Variants in PDE4D observed in about 807,000 individuals in gnomAD.
The protein encoded by PDE4D is 3',5'-cyclic-AMP phosphodiesterase 4D.
Under a neutral mutation model 87.4 loss-of-function variants are expected in PDE4D, and 24 were observed. The observed-to-expected ratio is 0.27, with a 90% CI of 0.20 to 0.39. The LOEUF (loss-of-function observed/expected upper bound fraction) is 0.39. Ranked by LOEUF, PDE4D falls within the 10% of genes least tolerant of loss-of-function variation. The pLI is 1.00. For synonymous variants in PDE4D, 384 were observed against 383.2 expected (o/e 1.00, Z -0.02); for missense variants, 714 against 1,041.0 (o/e 0.69, Z 4.32).
intron 1 of PDE4D, among the ~76,000 whole-genome samples, chr5:59,549,248 G>C (rs1253861101): frequency 6.6e-6 from 1 of 152,152 alleles, no homozygotes; most frequent in East Asian, 1.9e-4. Context: ...CCTCCAAACA[G>C]CCAGCCACTG....
chr5:59,137,234 G>T (rs1309383562), intron 5 of PDE4D, among the ~76,000 whole-genome samples: 4 of 152,172 alleles, frequency 2.6e-5, no homozygotes, highest in Admixed American at 2.0e-4. Flanking sequence ...TTGCGTTAGT[G>T]ATGTGACCTC....
intron 2 of PDE4D, among the ~76,000 whole-genome samples, chr5:60,154,023 A>G (rs1445909860): frequency 6.6e-6 from 1 of 152,012 alleles, no homozygotes; most frequent in Non-Finnish European, 1.5e-5. Context: ...TGTTCTTACC[A>G]TAATAAAAAA....
intron 1 of PDE4D, among the ~76,000 whole-genome samples, chr5:60,448,297 T>C (rs1250766828): frequency 6.6e-6 from 1 of 152,138 alleles, no homozygotes. Flanking sequence ...AAATCATTCA[T>C]TTACCAGAAT....
At chr5:59,133,095 A>AAT (rs1175488119) in intron 5 of PDE4D, among the ~76,000 whole-genome samples, 5 of 152,214 alleles carry the variant, frequency 3.3e-5, no homozygotes, top group East Asian at 3.9e-4. Context: ...GTAAATATAC[A>AAT]ATATATATAT....
At chr5:59,087,703 T>C (rs1767961492) in intron 5 of PDE4D, among the ~76,000 whole-genome samples, 1 of 152,300 alleles carries the variant, frequency 6.6e-6, no homozygotes, top group Admixed American at 6.5e-5. Context: ...TCTCTGTAGT[T>C]ACCTCTCTCA....
chr5:59,385,089 T>C (rs1786710862), intron 1 of PDE4D, among the ~76,000 whole-genome samples: 1 of 152,126 alleles, frequency 6.6e-6, no homozygotes, highest in Non-Finnish European at 1.5e-5. Context: ...ATCTATCAAT[T>C]TCATTTTCTC....
chr5:59,574,444 T>C (rs1822786106), intron 1 of PDE4D, among the ~76,000 whole-genome samples: 1 of 151,836 alleles, frequency 6.6e-6, no homozygotes, highest in South Asian at 2.1e-4. Context: ...TTACAGTAAA[T>C]CTGGGTGATT....
At chr5:60,084,527 C>T (rs983758861) in intron 2 of PDE4D, among the ~76,000 whole-genome samples, 1 of 152,100 alleles carries the variant, frequency 6.6e-6, no homozygotes, top group Non-Finnish European at 1.5e-5. Context: ...TACCACTTCC[C>T]CTCCAAAATT....
intron 3 of PDE4D, among the ~76,000 whole-genome samples, chr5:59,982,257 A>G (rs1462866502): frequency 6.6e-6 from 1 of 152,142 alleles, no homozygotes; most frequent in Non-Finnish European, 1.5e-5. Flanking sequence ...AACATTCTCC[A>G]CCCACCCATA....
chr5:59,752,035 TCTCC>T (rs1378946615), intron 1 of PDE4D, among the ~76,000 whole-genome samples: 6 of 152,166 alleles, frequency 3.9e-5, no homozygotes, highest in Admixed American at 3.9e-4. Context: ...AGATACAATG[TCTCC>T]CTCCCATAAA....
chr5:59,266,184 G>A (rs1581679055), intron 1 of PDE4D, among the ~76,000 whole-genome samples: 1 of 151,994 alleles, frequency 6.6e-6, no homozygotes, highest in East Asian at 1.9e-4. Flanking sequence ...ATTGAGACTA[G>A]GAGTTCAAGG....
At chr5:59,284,301 C>G (rs923971571) in intron 1 of PDE4D, among the ~76,000 whole-genome samples, 1 of 152,120 alleles carries the variant, frequency 6.6e-6, no homozygotes, top group Non-Finnish European at 1.5e-5. Flanking sequence ...TAACTAGGAA[C>G]TCCTACTGGA....
intron 1 of PDE4D, among the ~76,000 whole-genome samples, chr5:59,863,782 T>A (rs1746625515): frequency 6.6e-6 from 1 of 152,226 alleles, no homozygotes; most frequent in Non-Finnish European, 1.5e-5. Flanking sequence ...GGATTTTTTT[T>A]AACATAACTT....
intron 1 of PDE4D, among the ~76,000 whole-genome samples, chr5:59,733,693 A>T (rs1285608269): frequency 6.6e-6 from 1 of 152,050 alleles, no homozygotes; most frequent in Admixed American, 6.6e-5. Context: ...CTAATCATCA[A>T]TGTTGTTTTT....
chr5:59,017,868 A>G (rs1348275886), intron 6 of PDE4D, among the ~76,000 whole-genome samples: 2 of 152,222 alleles, frequency 1.3e-5, no homozygotes, highest in Non-Finnish European at 2.9e-5. Flanking sequence ...TGGTACAATA[A>G]TAAGACTTCT....
chr5:60,508,867 T>C (rs977618276), intron 1 of PDE4D, among the ~76,000 whole-genome samples: 2 of 151,668 alleles, frequency 1.3e-5, no homozygotes, highest in African/African-American at 2.4e-5. Context: ...AGATTTCTCT[T>C]TTTTTTTCTT....
At chr5:59,653,878 A>AGG (rs1485357534) in intron 1 of PDE4D, among the ~76,000 whole-genome samples, 1 of 140,322 alleles carries the variant, frequency 7.1e-6, no homozygotes, top group Non-Finnish European at 1.5e-5. Context: ...GAAGAGAGAG[A>AGG]AGGGGAGAGG....
At chr5:60,027,324 T>C (rs764201392) in intron 2 of PDE4D, among the ~76,000 whole-genome samples, 5 of 152,122 alleles carry the variant, frequency 3.3e-5, no homozygotes, top group Non-Finnish European at 5.9e-5. Context: ...GAACATGAGG[T>C]ATTTGGTTTT....
chr5:59,948,476 A>G (rs1321066556), intron 3 of PDE4D, among the ~76,000 whole-genome samples: 2 of 152,190 alleles, frequency 1.3e-5, no homozygotes, highest in African/African-American at 4.8e-5. Flanking sequence ...GCAGAGTGCA[A>G]TTCTAATTTT....
Sources: allele counts gnomAD v4.1 joint callset (sites outside exome capture counted in the v4.1 genomes callset), GRCh38; gene constraint gnomAD v4.1.1; transcripts MANE v1.5; gene names NCBI Gene and HGNC (gene_info 2026-07-23, HGNC 2026-07-21).